The following MANBA variants were observed in gnomAD, a reference collection of about 807,000 sequenced individuals.
MANBA encodes the protein mannosidase beta.
A neutral mutation model predicts 111.1 loss-of-function variants in MANBA; 83 were observed. The ratio of observed to expected loss-of-function variants is 0.75; its 90% CI spans 0.63 to 0.90. The LOEUF is 0.90. Among genes scored for constraint, MANBA ranks in the 40% least tolerant of loss-of-function variants. The pLI is 0.00. For missense variants in MANBA, 1,036 were observed against 1,069.0 expected (o/e 0.97, Z 0.43); for synonymous variants, 370 against 378.7 (o/e 0.98, Z 0.27).
intron 7 of MANBA, among the ~76,000 whole-genome samples, chr4:102,681,826 ATG>A (rs1299976329): frequency 6.6e-6 from 1 of 152,164 alleles, no homozygotes; most frequent in African/African-American, 2.4e-5. Context: ...CTGAATCTTC[ATG>A]TATCCGGGAA....
chr4:102,649,184 G>A (rs989951450), intron 13 of MANBA, among the ~76,000 whole-genome samples: 5 of 151,980 alleles, frequency 3.3e-5, no homozygotes, highest in African/African-American at 7.3e-5. Context: ...TTTCTACTTT[G>A]GGGCTATTGT....
chr4:102,694,717 C>G (rs1304233938), intron 5 of MANBA, among the ~76,000 whole-genome samples: 1 of 152,106 alleles, frequency 6.6e-6, no homozygotes. Flanking sequence ...CCACCAAGTT[C>G]TGCATCCTCT....
At chr4:102,753,328 T>A (rs1723878348) in intron 1 of MANBA, among the ~76,000 whole-genome samples, 1 of 152,160 alleles carries the variant, frequency 6.6e-6, no homozygotes, top group African/African-American at 2.4e-5. Context: ...TATTGGTTTT[T>A]CTTCCTTCTT....
chr4:102,726,562 T>A (rs1722812154), intron 2 of MANBA, 27 bp downstream of exon 2: 2 of 1,178,334 alleles, frequency 1.7e-6, no homozygotes, highest in Non-Finnish European at 2.5e-6. Context: ...CAAATAATAA[T>A]AAAAATACAC....
chr4:102,708,983 A>G (rs1037503770), intron 5 of MANBA, among the ~76,000 whole-genome samples: 6 of 152,184 alleles, frequency 3.9e-5, no homozygotes, highest in Admixed American at 3.3e-4. Flanking sequence ...CATAGAGAAA[A>G]TAGGTAAATT....
chr4:102,758,827 T>C (rs1025284344), intron 1 of MANBA, among the ~76,000 whole-genome samples: 1 of 152,136 alleles, frequency 6.6e-6, no homozygotes, highest in African/African-American at 2.4e-5. Context: ...CCCAGCCTGA[T>C]GATTATTTTC....
intron 9 of MANBA, among the ~76,000 whole-genome samples, 175 bp from the exon 10 acceptor site, chr4:102,669,224 A>G (rs1731377068): frequency 1.3e-5 from 2 of 152,246 alleles, no homozygotes; most frequent in South Asian, 4.1e-4. Context: ...AAATGTATCA[A>G]AGACATTAGG....
chr4:102,758,873 C>T (rs1475864753), intron 1 of MANBA, among the ~76,000 whole-genome samples: 2 of 152,076 alleles, frequency 1.3e-5, no homozygotes, highest in Admixed American at 6.5e-5. Flanking sequence ...CAAAAGCCTT[C>T]CCATTTCTCA....
chr4:102,742,974 T>G (rs534719814), intron 1 of MANBA, among the ~76,000 whole-genome samples: 14 of 152,262 alleles, frequency 9.2e-5, no homozygotes, highest in Non-Finnish European at 1.9e-4. Context: ...TGTTGCTGAG[T>G]CCATGTGTAA....
chr4:102,708,930 C>G (rs1721884215), intron 5 of MANBA, among the ~76,000 whole-genome samples: 2 of 151,722 alleles, frequency 1.3e-5, no homozygotes, highest in Non-Finnish European at 2.9e-5. Context: ...CAACAGATCA[C>G]CAGAGACTAT....
In MANBA at chr4:102,636,130, A is replaced by G. The variant is rs1247816853; in HGVS notation, c.2015-123T>C. The G allele has an allele frequency of 3.6e-6, 3 of 827,200 alleles. No homozygotes were observed. The Admixed American group carries it at 5.9e-5, about 16-fold the overall frequency. The allele number at this position is 827,200 out of a possible 1,614,324, so 51.2% of individuals were successfully genotyped here. On this transcript the variant is annotated intron_variant, in intron 14 of 16. Coordinates refer to ENST00000647097, the MANE Select transcript of MANBA (RefSeq NM_005908.4). Reference sequence around the variant, plus strand: ...GGAGTGAGCATGTGAGGGAGAGTCAACAGTGGAGGGCACCCATGTTTGTGA... The same window carrying G: ...GGAGTGAGCATGTGAGGGAGAGTCAGCAGTGGAGGGCACCCATGTTTGTGA...
At chr4:102,719,297 A>T (rs570059969) in intron 4 of MANBA, among the ~76,000 whole-genome samples, 2 of 152,320 alleles carry the variant, frequency 1.3e-5, no homozygotes, top group East Asian at 3.9e-4. Flanking sequence ...TTTCTGCAAG[A>T]AGATAAATAT....
At chr4:102,639,145 A>T (rs1008196902) in intron 14 of MANBA, among the ~76,000 whole-genome samples, 1 of 152,278 alleles carries the variant, frequency 6.6e-6, no homozygotes, top group African/African-American at 2.4e-5. Context: ...AACTGTTTCA[A>T]CTGGTCACCT....
intron 1 of MANBA, chr4:102,729,060 G>A (rs1229924151): frequency 1.2e-6 from 1 of 807,256 alleles, no homozygotes; most frequent in African/African-American, 1.7e-5. Flanking sequence ...TGGTACTCAA[G>A]CAGTTGCCAT....
At chr4:102,746,832 C>T (rs1723603491) in intron 1 of MANBA, among the ~76,000 whole-genome samples, 1 of 151,956 alleles carries the variant, frequency 6.6e-6, no homozygotes, top group African/African-American at 2.4e-5. Flanking sequence ...ATTAGCTGGG[C>T]GTGGTGGCGG....
intron 1 of MANBA, chr4:102,730,492 G>A (rs143718396): frequency 6.9e-5 from 36 of 524,846 alleles, no homozygotes; most frequent in Admixed American, 2.0e-4. Flanking sequence ...GGGGCAGCTC[G>A]TCCCTAACAG....
intron 5 of MANBA, among the ~76,000 whole-genome samples, chr4:102,700,839 A>T (rs554844963): frequency 6.6e-6 from 1 of 152,276 alleles, no homozygotes; most frequent in East Asian, 1.9e-4. Context: ...TATTCTGTTG[A>T]TATAGGGTAG....
At chr4:102,719,038 C>T (rs1297217542) in intron 4 of MANBA, among the ~76,000 whole-genome samples, 1 of 152,178 alleles carries the variant, frequency 6.6e-6, no homozygotes, top group African/African-American at 2.4e-5. Flanking sequence ...TAACAGGAAA[C>T]AGGGTTCGAG....
intron 5 of MANBA, among the ~76,000 whole-genome samples, chr4:102,705,215 G>A (rs1733242665): frequency 3.9e-5 from 6 of 152,152 alleles, no homozygotes; most frequent in Non-Finnish European, 4.4e-5. Flanking sequence ...TCCCATTATG[G>A]ACTCCTGCAA....
Sources: gnomAD v4.1 joint callset for allele counts (sites outside exome capture counted in the v4.1 genomes callset) on GRCh38, gnomAD v4.1.1 for gene constraint, MANE v1.5 for transcripts, NCBI Gene and HGNC (gene_info 2026-07-23, HGNC 2026-07-21) for gene names.